EFCC1: variants seen among roughly 807,000 people sequenced by gnomAD.
The protein encoded by EFCC1 is EF-hand and coiled-coil domain-containing protein 1.
Under a neutral mutation model 52.1 loss-of-function variants are expected in EFCC1, and 50 were observed. The observed-to-expected ratio is 0.96, with a 90% CI of 0.76 to 1.21. EFCC1 has a LOEUF of 1.21. Ranked by LOEUF, EFCC1 falls within the 50% of genes most tolerant of loss-of-function variation. EFCC1 has a pLI of 0.00. For missense variants in EFCC1, 837 were observed against 867.3 expected, an observed-to-expected ratio of 0.97 and a Z score of 0.44; for synonymous variants, 399 against 396.5, an observed-to-expected ratio of 1.01 and a Z score of -0.08.
Position 129,007,276 on chromosome 3 carries a change from C to T in EFCC1, c.980+3199C>T, listed in dbSNP as rs112074832. 4.8e-3 allele frequency among the ~76,000 whole-genome samples: 730 copies of T among 152,320 alleles called. 6 individuals are homozygous for T. The highest frequency in any genetic ancestry group is 0.016 in the African/African-American group (672 of 41,574). ...TTCAAGTGCCAGAAGCTCAGATGTC[C>T]GTGACTATTGAGCTGAATCAGCCCC... On this transcript the variant is annotated intron_variant, in intron 2 of 7. Transcript: ENST00000683648.
rs544252244 is a variant in EFCC1, at chr3:129,033,013, A to C, written c.1286+47A>C. 301 of 1,457,284 alleles carry C rather than the reference A, an allele frequency of 2.1e-4. 3 individuals carry two copies. The African/African-American group carries it at 4.1e-3, about 20-fold the overall frequency. The allele number at this position is 1,457,284 out of a possible 1,614,324, so 90.3% of individuals were successfully genotyped here. On this transcript the variant is annotated intron_variant, in intron 4 of 7. Coordinates refer to ENST00000683648, the MANE Select transcript of EFCC1 (RefSeq NM_001377500.1). ...AGCCACTGTGGGCCGCAGGCTCCAG[A>C]GGTGTCTGGGGAAGCCAGGAGCACC...
chr3:129,027,181 C>G (rs1421405942), intron 2 of EFCC1, among the ~76,000 whole-genome samples: 1 of 152,210 alleles, frequency 6.6e-6, no homozygotes, highest in Non-Finnish European at 1.5e-5. Context: ...GTTTCATTGG[C>G]TACCCGTGCA....
intron 2 of EFCC1, 85 bp downstream of exon 2, chr3:129,004,162 C>A: frequency 1.5e-6 from 2 of 1,342,580 alleles, no homozygotes; most frequent in South Asian, 1.6e-5. Flanking sequence ...CCCCCTCCCA[C>A]GCGCTCTCGT....
intron 7 of EFCC1, 33 bp downstream of exon 7, chr3:129,038,933 G>T: frequency 6.3e-7 from 1 of 1,595,056 alleles, no homozygotes; most frequent in Non-Finnish European, 8.6e-7. Flanking sequence ...CAGAGCCCAC[G>T]CAGTGGCTGG....
intron 2 of EFCC1, 94 bp downstream of exon 2, chr3:129,004,171 G>C (rs1019927526): frequency 9.2e-6 from 12 of 1,305,494 alleles, no homozygotes; most frequent in Non-Finnish European, 1.1e-5. Context: ...ACGCGCTCTC[G>C]TGTTCCGCAG....
intron 1 of EFCC1, chr3:129,003,333 T>C (rs1944888472): frequency 4.2e-6 from 4 of 961,518 alleles, no homozygotes. Context: ...TTTTAGGCTC[T>C]GGGAACACAC....
chr3:129,022,048 G>A (rs1241167603), intron 2 of EFCC1, among the ~76,000 whole-genome samples: 1 of 152,228 alleles, frequency 6.6e-6, no homozygotes, highest in African/African-American at 2.4e-5. Flanking sequence ...TGCTCTCACA[G>A]CACCCAGAAC....
At position 129,001,708 on chromosome 3, in the gene EFCC1, C is replaced by G; in HGVS notation, c.80C>G (p.Thr27Arg). Residue 27 changes from threonine (T) to arginine (R), a missense_variant, in exon 1 of 8, where the codon ACG (threonine) becomes AGG (arginine). Physicochemically the swap from Thr to Arg is moderately conservative, Grantham distance 71 (BLOSUM62 -1). Transcript: ENST00000683648. ...CCGTACCGGCGACCTGCGCGGCGCA[C>G]GCAGTGGCTGCTGAGCGCCCTGGCG... is the stretch of plus-strand genomic sequence containing the variant. ...GDPYRRPARR[T>R]QWLLSALAHH... The G allele has an allele frequency of 6.6e-7, 1 of 1,509,058 alleles. No homozygotes were observed. The highest frequency in any genetic ancestry group is 8.8e-7 in the Non-Finnish European group (1 of 1,131,544). 93.5% of individuals were successfully genotyped at this position (1,509,058 alleles called of 1,614,324 possible).
intron 5 of EFCC1, 85 bp from the exon 6 acceptor site, chr3:129,036,892 C>T: frequency 6.2e-7 from 1 of 1,601,892 alleles, no homozygotes; most frequent in Non-Finnish European, 8.5e-7. Flanking sequence ...CAGCACCAGC[C>T]TCGGGGAGAT....
Position 129,036,375 on chromosome 3 carries a change from G to A in EFCC1, c.1453-602G>A, listed in dbSNP as rs569984444. On this transcript the variant is annotated intron_variant, in intron 5 of 7. Coordinates refer to ENST00000683648, the MANE Select transcript of EFCC1 (RefSeq NM_001377500.1). ...TGGTGCCAGGGGAAGGGAATGCCTC[G>A]TGCCTGGCATGCCTGCTTTAGAAGG... Among the ~76,000 whole-genome samples, 16 of 152,318 alleles carry A rather than the reference G, an allele frequency of 1.1e-4. No individual in the cohort carries two copies. In the East Asian group the frequency reaches 2.3e-3, roughly 22 times the overall value.
At position 129,028,741 on chromosome 3, in the gene EFCC1, C is replaced by A. The variant is rs1198039115; in HGVS notation, c.981-1962C>A. Among the ~76,000 whole-genome samples, 7 of 151,982 alleles carry A rather than the reference C, an allele frequency of 4.6e-5. No individual in the cohort carries two copies. The South Asian group carries it at 1.4e-3, about 31-fold the overall frequency. ...CACTGCAACCTCCGCCTCCCAGGTT[C>A]AAGCGATTCTCCTGCCTTGGCCTCC... On this transcript the variant is annotated intron_variant, in intron 2 of 7. Coordinates refer to ENST00000683648, the MANE Select transcript of EFCC1 (RefSeq NM_001377500.1).
intron 2 of EFCC1, 71 bp downstream of exon 2, chr3:129,004,148 C>G (rs1183479915): frequency 7.3e-7 from 1 of 1,374,168 alleles, no homozygotes; most frequent in East Asian, 3.1e-5. Flanking sequence ...TTCGGGTGTG[C>G]AATCCCCCTC....
intron 5 of EFCC1, among the ~76,000 whole-genome samples, chr3:129,034,878 A>C (rs1946336510): frequency 6.6e-6 from 1 of 152,152 alleles, no homozygotes; most frequent in Admixed American, 6.5e-5. Context: ...GGGTTCAGTG[A>C]TTGGCACTGC....
intron 2 of EFCC1, among the ~76,000 whole-genome samples, chr3:129,027,640 C>A (rs1946163008): frequency 6.6e-6 from 1 of 152,116 alleles, no homozygotes; most frequent in Non-Finnish European, 1.5e-5. Flanking sequence ...GTCCACTCAG[C>A]GAGTCCATGT....
At chr3:129,022,524 C>T (rs2107916770) in intron 2 of EFCC1, among the ~76,000 whole-genome samples, 2 of 152,288 alleles carry the variant, frequency 1.3e-5, no homozygotes, top group South Asian at 4.1e-4. Context: ...GGGCTGGCGG[C>T]CAGATGTGGC....
chr3:129,030,658 C>G (rs1946253963), intron 2 of EFCC1, 45 bp from the exon 3 acceptor site: 1 of 1,539,476 alleles, frequency 6.5e-7, no homozygotes, highest in South Asian at 1.2e-5. Context: ...ATGGAAGAGT[C>G]CTGTACTCTC....
At chr3:129,036,922 C>T in intron 5 of EFCC1, 55 bp from the exon 6 acceptor site, 1 of 1,611,190 alleles carries the variant, frequency 6.2e-7, no homozygotes, top group Non-Finnish European at 8.5e-7. Flanking sequence ...GATCCTGCCA[C>T]CTGGAAGGCT....
chr3:129,016,602 G>A (rs576197404), intron 2 of EFCC1, among the ~76,000 whole-genome samples: 91 of 152,022 alleles, frequency 6.0e-4, no homozygotes, highest in Non-Finnish European at 1.1e-3. Flanking sequence ...GCCAGCCCCC[G>A]TGATCACACA....
At chr3:129,037,228 T>C in intron 6 of EFCC1, 111 bp downstream of exon 6, 1 of 1,372,370 alleles carries the variant, frequency 7.3e-7, no homozygotes. Context: ...TAGGCAGCTG[T>C]TATCCCATTT....
Sources: allele counts gnomAD v4.1 joint callset (sites outside exome capture counted in the v4.1 genomes callset), GRCh38; gene constraint gnomAD v4.1.1; transcripts MANE v1.5; gene names NCBI Gene and HGNC (gene_info 2026-07-23, HGNC 2026-07-21).